The following ACHE variants were observed in gnomAD, a reference collection of about 807,000 sequenced individuals.
ACHE encodes the protein acetylcholinesterase (Yt blood group).
Under a neutral mutation model 53.9 loss-of-function variants are expected in ACHE, and 19 were observed. That is an observed-to-expected ratio of 0.35 (90% CI 0.25 to 0.52). The LOEUF (loss-of-function observed/expected upper bound fraction) is 0.52, where lower values mean the gene tolerates loss of function less well. Among genes scored for constraint, ACHE ranks in the 20% least tolerant of loss-of-function variants. The pLI is 0.95. For synonymous variants in ACHE, 392 were observed against 378.1 expected (o/e 1.04, Z -0.43); for missense variants, 605 against 849.4 (o/e 0.71, Z 3.58).
At position 100,894,248 on chromosome 7, in the gene ACHE, G is replaced by A. The variant is rs1790900115; in HGVS notation, c.-16C>T. The A allele has an allele frequency of 4.9e-6, 7 of 1,426,110 alleles. No individual in the cohort carries two copies. In the Admixed American group the frequency reaches 1.2e-4, roughly 25 times the overall value. The allele number at this position is 1,426,110 out of a possible 1,614,324, so 88.3% of individuals were successfully genotyped here. ...GGGGCCTCATGGCTGCAGGGCAGGC[G>A]GCGTCTGCTGGGAGAAAGAAAGGGA... On this transcript the variant is annotated 5_prime_UTR_variant, in exon 2 of 5. Transcript: ENST00000241069.
rs781114815 is a variant in ACHE at position 100,892,703 on chromosome 7, C to T, written c.1184G>A (p.Arg395Gln). ...ISRAEFLAGVRVGVPQVSDLA... is the reference protein window; with the variant it reads ...ISRAEFLAGVQVGVPQVSDLA... Reference sequence around the variant, plus strand: ...GTCACTTACCTGGGGAACCCCGACCCGCACCCCGGCCAGGAACTCGGCCCG... The same window carrying T: ...GTCACTTACCTGGGGAACCCCGACCTGCACCCCGGCCAGGAACTCGGCCCG... Residue 395 changes from arginine (R) to glutamine (Q), a missense_variant, in exon 3 of 5, where the codon CGG becomes CAG. By Grantham distance (43) the Arg-to-Gln change is conservative. Transcript: ENST00000241069. This position sits in a 1 kb window ranked among gnomAD's most constrained non-coding sequence, Gnocchi z 5.2. 1.2e-5 allele frequency: 19 copies of T among 1,613,554 alleles called. No individual in the cohort carries two copies. The highest frequency in any genetic ancestry group is 4.5e-5 in the East Asian group (2 of 44,852).
rs2571598 is a variant in ACHE, at chr7:100,892,018, C to T, written c.1553+316G>A. On this transcript the variant is annotated intron_variant, in intron 3 of 4. Coordinates refer to ENST00000241069, the MANE Select transcript of ACHE (RefSeq NM_000665.5). The surrounding 1 kb of genome is among the most constrained non-coding windows in gnomAD (Gnocchi z 5.2). ...GTCCAGTCTGGTCTCAAACTCCTGG[C>T]CTCAGGGGATCCTCCCACCTTGGCC... Among the ~76,000 whole-genome samples the T allele has an allele frequency of 0.42, 64,170 of 151,468 alleles. 14,101 individuals are homozygous for T. The highest frequency in any genetic ancestry group is 0.48 in the Non-Finnish European group (32,871 of 67,810).
chr7:100,890,807 CG>C, intron 4 of ACHE: 1 of 1,359,092 alleles, frequency 7.4e-7, no homozygotes, highest in Non-Finnish European at 9.5e-7. Context: ...GTGGGAGGCA[CG>C]GCCCCCTCCT....
At chr7:100,891,705 T>C (rs1011251343) in intron 3 of ACHE, among the ~76,000 whole-genome samples, 5 of 152,044 alleles carry the variant, frequency 3.3e-5, no homozygotes, top group Non-Finnish European at 7.4e-5. Context: ...CTGGTGTGTG[T>C]GTGAGAGAAT....
At position 100,893,296 on chromosome 7, in the gene ACHE, C is replaced by A; in HGVS notation, c.937G>T (p.Val313Leu). 1 of 1,614,010 alleles carries A rather than the reference C, an allele frequency of 6.2e-7. No individual in the cohort carries two copies. Residue 313 changes from valine to leucine, a missense_variant, in exon 2 of 5, where the codon GTG (valine) becomes TTG (leucine). By Grantham distance (32) the Val-to-Leu change is conservative. Around this residue, in one of 4 missense-constraint regions of ACHE, gnomAD observed 397 missense variants for 632.5 expected, o/e 0.63. Coordinates refer to ENST00000241069, the MANE Select transcript of ACHE (RefSeq NM_000665.5). Reference sequence around the variant, plus strand: ...GGCAGCACGTGCCATTCGTGGTTCACCAGGACCTGCGCTGGTCGTGTCCGA... The same window carrying A: ...GGCAGCACGTGCCATTCGTGGTTCAACAGGACCTGCGCTGGTCGTGTCCGA... ...CLRTRPAQVL[V>L]NHEWHVLPQE... is the part of the protein sequence containing the mutation.
Position 100,895,538 on chromosome 7 carries a change from G to GGGAA in ACHE, c.-21+260_-21+263dup, listed in dbSNP as rs1303909790. On this transcript the variant is annotated intron_variant, in intron 1 of 4. Transcript: ENST00000241069. Reference sequence around the variant, plus strand: ...GTGGCCCCGGACTAGGGAGCGATCGGGGAAGGGGTGCTCGGGGGTCCCCGC... The same window carrying GGGAA: ...GTGGCCCCGGACTAGGGAGCGATCGGGGAAGGAAGGGGTGCTCGGGGGTCCCCGC... Among the ~76,000 whole-genome samples the GGGAA allele has an allele frequency of 9.9e-5, 15 of 152,284 alleles. No individual in the cohort carries two copies. The South Asian group carries it at 3.1e-3, about 32-fold the overall frequency.
chr7:100,896,520 AC>A, upstream of ACHE: 2 of 208,204 alleles, frequency 9.6e-6, no homozygotes, highest in South Asian at 4.1e-5. Flanking sequence ...GAGACAGGAG[AC>A]CCCTGGGGGA....
chr7:100,892,387 C>T lies in ACHE; in HGVS notation c.1500G>A (p.Glu500=). 1.3e-6 allele frequency: 2 copies of T among 1,516,438 alleles called. No individual in the cohort carries two copies. The highest frequency in any genetic ancestry group is 1.8e-6 in the Non-Finnish European group (2 of 1,129,606). 93.9% of individuals were successfully genotyped at this position (1,516,438 alleles called of 1,614,324 possible). A position where few individuals can be genotyped will look rare whatever the true frequency, so the allele number is the denominator to read the frequency against. Reference sequence around the variant, plus strand: ...GCATCAGTCGCTGGGCGAAGATTTTCTCCTCTGCCGTGTAGTTTCGAGAGG... The same window carrying T: ...GCATCAGTCGCTGGGCGAAGATTTTTTCCTCTGCCGTGTAGTTTCGAGAGG... ...LDPSRNYTAE[E]KIFAQRLMRY... Residue 500 remains glutamate (E), a synonymous_variant, in exon 3 of 5, where the codon GAG becomes GAA. Coordinates refer to ENST00000241069, the MANE Select transcript of ACHE (RefSeq NM_000665.5). The surrounding 1 kb of genome is among the most constrained non-coding windows in gnomAD (Gnocchi z 5.2).
Position 100,893,266 on chromosome 7 carries a change from C to T in ACHE, c.967G>A (p.Glu323Lys). The change falls in exon 2 of 5, where the codon GAA becomes AAA. Residue 323 changes from glutamate (E) to lysine (K), a missense_variant. Glu to Lys is a moderately conservative substitution (Grantham distance 56). Around this residue, in one of 4 missense-constraint regions of ACHE, gnomAD observed 397 missense variants for 632.5 expected, o/e 0.63. Transcript: ENST00000241069. ...ACGAAGGAGAACCGGAAGACGCTTT[C>T]TTGAGGCAGCACGTGCCATTCGTGG... is the stretch of plus-strand genomic sequence containing the variant. Reference protein sequence around the residue: ...VNHEWHVLPQESVFRFSFVPV... With the variant: ...VNHEWHVLPQKSVFRFSFVPV... 1 of 1,614,094 alleles carries T rather than the reference C, an allele frequency of 6.2e-7. No individual in the cohort carries two copies. Among genetic ancestry groups the T allele is most frequent in the Non-Finnish European group, 8.5e-7 (1 of 1,180,034 alleles).
intron 4 of ACHE, 184 bp downstream of exon 4, chr7:100,890,985 G>A: frequency 6.8e-7 from 1 of 1,462,200 alleles, no homozygotes; most frequent in Non-Finnish European, 9.0e-7. Context: ...GGGAGAGGAA[G>A]AGGAGGAGAA....
intron 1 of ACHE, 44 bp from the exon 2 acceptor site, chr7:100,894,296 A>C: frequency 7.4e-7 from 1 of 1,348,040 alleles, no homozygotes; most frequent in Non-Finnish European, 9.7e-7. Flanking sequence ...TCGGTCGAGA[A>C]GCCAGGAGGG....
At position 100,891,238 on chromosome 7, in the gene ACHE, G is replaced by C; in HGVS notation, c.1654C>G (p.Arg552Gly). The C allele has an allele frequency of 6.2e-7, 1 of 1,611,416 alleles. No individual in the cohort carries two copies. Among genetic ancestry groups the C allele is most frequent in the Non-Finnish European group, 8.5e-7 (1 of 1,179,606 alleles). ...CAGGCCTGGGCGCGCAGCCCCCGCC[G>C]CACCTCCAGCGGCCGCAGGTCCAGA... ...VSLDLRPLEV[R>G]RGLRAQACAF... The change falls in exon 4 of 5, where the codon CGG becomes GGG. Residue 552 changes from arginine (R) to glycine (G), a missense_variant. By Grantham distance (125) the Arg-to-Gly change is moderately radical (BLOSUM62 -2). This residue lies in a region of ACHE where 91 missense variants were observed against 83.2 expected (regional missense o/e 1.09). Transcript: ENST00000241069.
Position 100,892,616 on chromosome 7 carries a change from C to T in ACHE, c.1271G>A (p.Arg424His), listed in dbSNP as rs376838625. ...TDWLHPEDPA[R>H]LREALSDVVG... ...CACATCGCTCAGGGCCTCCCTCAGG[C>T]GTGCCGGGTCCTCGGGATGCAGCCA... Residue 424 changes from arginine to histidine, a missense_variant, in exon 3 of 5, where the codon CGC (arginine) becomes CAC (histidine). Physicochemically the swap from Arg to His is conservative, Grantham distance 29 (BLOSUM62 0). Coordinates refer to ENST00000241069, the MANE Select transcript of ACHE (RefSeq NM_000665.5). This position sits in a 1 kb window ranked among gnomAD's most constrained non-coding sequence, Gnocchi z 5.2. 1.7e-5 allele frequency: 27 copies of T among 1,613,162 alleles called. No individual in the cohort carries two copies. The highest frequency in any genetic ancestry group is 9.3e-5 in the African/African-American group (7 of 74,882).
rs751291676 is a variant in ACHE, at chr7:100,892,837, G to C, written c.1069-19C>G. On this transcript the variant is annotated intron_variant, in intron 2 of 4. Transcript: ENST00000241069. This position sits in a 1 kb window ranked among gnomAD's most constrained non-coding sequence, Gnocchi z 5.2. The stretch of plus-strand genomic sequence containing the variant: ...CCAGCACCTGGGGGTGAGGGAGAGG[G>C]GGGTGGGATGGAGCGACAGGCACAG... 37 of 1,551,320 alleles carry C rather than the reference G, an allele frequency of 2.4e-5. No homozygotes were observed. The African/African-American group carries it at 2.6e-4, about 11-fold the overall frequency.
At position 100,892,362 on chromosome 7, in the gene ACHE, G is replaced by A; in HGVS notation, c.1525C>T (p.Arg509Ter). 1 of 1,515,460 alleles carries A rather than the reference G, an allele frequency of 6.6e-7. No homozygotes were observed. The highest frequency in any genetic ancestry group is 8.9e-7 in the Non-Finnish European group (1 of 1,129,100). 93.9% of individuals were successfully genotyped at this position (1,515,460 alleles called of 1,614,324 possible). ...EEKIFAQRLM[R>*]YWANFARTGD... ...GTGCGGGCAAAGTTGGCCCAGTATC[G>A]CATCAGTCGCTGGGCGAAGATTTTC... is the stretch of plus-strand genomic sequence containing the variant. The change falls in exon 3 of 5, where the codon CGA becomes TGA. Residue 509 changes from arginine (R) to a stop codon, truncating the protein, a stop_gained. Transcript: ENST00000241069. LOFTEE classifies it high-confidence loss of function. This position sits in a 1 kb window ranked among gnomAD's most constrained non-coding sequence, Gnocchi z 5.2.
Position 100,892,319 on chromosome 7 carries a change from C to T in ACHE, c.1553+15G>A. 1.3e-6 allele frequency: 2 copies of T among 1,502,692 alleles called. No homozygotes were observed. The highest frequency in any genetic ancestry group is 1.4e-5 in the South Asian group (1 of 72,532). 93.1% of individuals were successfully genotyped at this position (1,502,692 alleles called of 1,614,324 possible). A position where few individuals can be genotyped will look rare whatever the true frequency, so the allele number is the denominator to read the frequency against. On this transcript the variant is annotated intron_variant, in intron 3 of 4. Transcript: ENST00000241069. This position sits in a 1 kb window ranked among gnomAD's most constrained non-coding sequence, Gnocchi z 5.2. ...TCCTGTCCTCCCCAGCCTTCTCTCC[C>T]TCTGCACTGCTGACCCTGTGCGGGC... is the stretch of plus-strand genomic sequence containing the variant.
In ACHE at chr7:100,890,034, A is replaced by C; in HGVS notation, c.*180T>G. 9 of 653,220 alleles carry C rather than the reference A, an allele frequency of 1.4e-5. No homozygotes were observed. Among genetic ancestry groups the C allele is most frequent in the Non-Finnish European group, 2.3e-5 (9 of 399,298 alleles). 40.5% of individuals were successfully genotyped at this position (653,220 alleles called of 1,614,324 possible). A position where few individuals can be genotyped will look rare whatever the true frequency, so the allele number is the denominator to read the frequency against. ...ATTGGCAGCCCAGAGGGGCGAAGGC[A>C]CCGCGGGGGAGGGAGCTCAGCCTGA... On this transcript the variant is annotated 3_prime_UTR_variant, in exon 5 of 5. Coordinates refer to ENST00000241069, the MANE Select transcript of ACHE (RefSeq NM_000665.5).
chr7:100,896,172 CAG>C (rs1208260397), upstream of ACHE: 2 of 152,282 alleles, frequency 1.3e-5, no homozygotes, highest in African/African-American at 4.8e-5. Flanking sequence ...CCCGTGGAGA[CAG>C]ACACGCGCAG....
Position 100,894,102 on chromosome 7 carries a change from C to A in ACHE, c.131G>T (p.Arg44Leu). ...REDAELLVTV[R>L]GGRLRGIRLK... ...GCGAATGCCCCGCAGCCGGCCCCCA[C>A]GCACCGTCACCAGCAGCTCTGCATC... Residue 44 changes from arginine (R) to leucine (L), a missense_variant, in exon 2 of 5, where the codon CGT becomes CTT. By Grantham distance (102) the Arg-to-Leu change is moderately radical. Transcript: ENST00000241069. 6.6e-7 allele frequency: 1 copy of A among 1,515,406 alleles called. No individual in the cohort carries two copies. 93.9% of individuals were successfully genotyped at this position (1,515,406 alleles called of 1,614,324 possible).
Sources: gnomAD v4.1 joint callset for allele counts (sites outside exome capture counted in the v4.1 genomes callset) on GRCh38, gnomAD v4.1.1 for gene constraint, gnomAD v4.1.1 regional missense constraint, Gnocchi (gnomAD v3.1) non-coding constraint, MANE v1.5 for transcripts, NCBI Gene and HGNC (gene_info 2026-07-23, HGNC 2026-07-21) for gene names.